Variants in EMILIN2 observed in about 807,000 individuals in gnomAD.
EMILIN2 encodes EMILIN-2.
Under a neutral mutation model 87.1 loss-of-function variants are expected in EMILIN2, and 71 were observed. The ratio of observed to expected loss-of-function variants is 0.82; its 90% CI spans 0.67 to 0.99. The LOEUF is 0.99. EMILIN2 is among the 50% of genes least tolerant of loss of function. The probability of loss-of-function intolerance (pLI) is 0.00; values close to 1 mark genes in which losing one functional copy is unlikely to be tolerated. For synonymous variants in EMILIN2, 581 were observed against 563.4 expected, an observed-to-expected ratio of 1.03 and a Z score of -0.44; for missense variants, 1,407 against 1,371.8, an observed-to-expected ratio of 1.03 and a Z score of -0.40.
At chr18:2,872,316 A>G (rs950520341) in intron 2 of EMILIN2, among the ~76,000 whole-genome samples, 6 of 152,308 alleles carry the variant, frequency 3.9e-5, no homozygotes, top group African/African-American at 1.4e-4. Context: ...TGGAGACTAT[A>G]AATTTGAACA....
Position 2,890,715 on chromosome 18 carries a change from G to T in EMILIN2, c.588G>T (p.Arg196Ser), listed in dbSNP as rs1018674106. The T allele has an allele frequency of 6.8e-6, 11 of 1,613,998 alleles. No homozygotes were observed. Among genetic ancestry groups the T allele is most frequent in the Non-Finnish European group, 8.5e-6 (10 of 1,180,026 alleles). ...VLEEKVLRLT[R>S]TVLDLQSSLA... is the part of the protein sequence containing the mutation. Reference sequence around the variant, plus strand: ...AGGAGAAGGTTCTTCGACTCACAAGGACGGTTCTTGACCTCCAGTCTTCCC... The same window carrying T: ...AGGAGAAGGTTCTTCGACTCACAAGTACGGTTCTTGACCTCCAGTCTTCCC... Residue 196 changes from arginine (R) to serine (S), a missense_variant, in exon 4 of 8, where the codon AGG becomes AGT. Transcript: ENST00000254528. This position sits in a 1 kb window ranked among gnomAD's most constrained non-coding sequence, Gnocchi z 4.7.
chr18:2,904,825 T>TA (rs1294037756), intron 4 of EMILIN2, among the ~76,000 whole-genome samples: 3 of 152,198 alleles, frequency 2.0e-5, no homozygotes, highest in African/African-American at 7.2e-5. Context: ...AGACACTAGA[T>TA]AGAGTTTCAC....
At chr18:2,871,230 T>C (rs2076718220) in intron 2 of EMILIN2, among the ~76,000 whole-genome samples, 3 of 152,126 alleles carry the variant, frequency 2.0e-5, no homozygotes, top group Admixed American at 2.0e-4. Context: ...GGGGACATCA[T>C]CAAATTTGGG....
At chr18:2,870,056 C>A (rs184030203) in intron 2 of EMILIN2, among the ~76,000 whole-genome samples, 1 of 151,946 alleles carries the variant, frequency 6.6e-6, no homozygotes, top group Non-Finnish European at 1.5e-5. Flanking sequence ...GCCTGGGCAA[C>A]ATGGCAAAAC....
intron 4 of EMILIN2, among the ~76,000 whole-genome samples, chr18:2,904,162 A>C (rs1446285750): frequency 6.6e-6 from 1 of 152,214 alleles, no homozygotes; most frequent in Non-Finnish European, 1.5e-5. Context: ...CTTCTCTTCT[A>C]GTTTCCAATA....
rs958361211 is a variant in EMILIN2, at chr18:2,881,458, G to C, written c.258-3506G>C. Among the ~76,000 whole-genome samples, 3 of 152,250 alleles carry C rather than the reference G, an allele frequency of 2.0e-5. No individual in the cohort carries two copies. In the South Asian group the frequency reaches 6.2e-4, roughly 31 times the overall value. On this transcript the variant is annotated intron_variant, in intron 2 of 7. Transcript: ENST00000254528. ...GCTCCAGGGAACTTTCCTACATTAG[G>C]AGCTGGGGAGCTGGCCCCAAAATAA... is the stretch of plus-strand genomic sequence containing the variant.
Position 2,847,306 on chromosome 18 carries a change from C to G in EMILIN2, c.118C>G (p.Pro40Ala). The change falls in exon 1 of 8, where the codon CCC becomes GCC. Residue 40 changes from proline (P) to alanine (A), a missense_variant. Pro to Ala is a conservative substitution (Grantham distance 27). Transcript: ENST00000254528. The surrounding 1 kb of genome is among the most constrained non-coding windows in gnomAD (Gnocchi z 4.5). ...CCCGCAGCCCGGGTATCCCGCGCGGCCCAGCGCCAGGAACAAGTAAGTGCG... is the reference window on the plus strand; with the variant it reads ...CCCGCAGCCCGGGTATCCCGCGCGGGCCAGCGCCAGGAACAAGTAAGTGCG... Reference protein sequence around the residue: ...AGPQPGYPARPSARNKNWCAY... With the variant: ...AGPQPGYPARASARNKNWCAY... The G allele has an allele frequency of 7.6e-7, 1 of 1,319,048 alleles. No individual in the cohort carries two copies. The highest frequency in any genetic ancestry group is 9.6e-7 in the Non-Finnish European group (1 of 1,037,238). The allele number at this position is 1,319,048 out of a possible 1,614,324, so 81.7% of individuals were successfully genotyped here.
intron 2 of EMILIN2, among the ~76,000 whole-genome samples, chr18:2,858,557 A>ATATGTGTGTGTGTGTGTG (rs2076641435): frequency 1.8e-5 from 1 of 54,534 alleles, no homozygotes; most frequent in Non-Finnish European, 2.9e-5. Context: ...ATATATATAT[A>ATATGTGTGTGTGTGTGTG]TATATATATA....
intron 4 of EMILIN2, among the ~76,000 whole-genome samples, chr18:2,905,792 T>G (rs2076908611): frequency 6.6e-6 from 1 of 150,498 alleles, no homozygotes; most frequent in African/African-American, 2.5e-5. Context: ...TGTTTTTTTT[T>G]TTTGGATATT....
chr18:2,846,941 C>T (rs949360504), upstream of EMILIN2: 105 of 995,154 alleles, frequency 1.1e-4, no homozygotes, highest in Non-Finnish European at 1.2e-4. This position sits in a 1 kb window ranked among gnomAD's most constrained non-coding sequence, Gnocchi z 5.3. Context: ...ATAAAGAGGG[C>T]GGCACCCGGG....
intron 4 of EMILIN2, among the ~76,000 whole-genome samples, chr18:2,905,056 C>G (rs2076903546): frequency 1.3e-5 from 2 of 152,270 alleles, no homozygotes; most frequent in South Asian, 4.1e-4. Context: ...CTCTGTCTAA[C>G]CCAGCCTTTC....
upstream of EMILIN2, chr18:2,846,678 C>T (rs1048197520): frequency 2.2e-5 from 19 of 870,100 alleles, no homozygotes; most frequent in African/African-American, 7.2e-5. The surrounding 1 kb of genome is among the most constrained non-coding windows in gnomAD (Gnocchi z 5.3). Flanking sequence ...CCAGGCACGA[C>T]GCGAGGACGG....
intron 4 of EMILIN2, chr18:2,906,420 G>C (rs2076912373): frequency 5.7e-6 from 1 of 174,942 alleles, no homozygotes; most frequent in Non-Finnish European, 1.2e-5. Context: ...GCGGGGGTCG[G>C]TGGCCTCAGG....
chr18:2,885,469 T>A (rs1344419004), intron 3 of EMILIN2, among the ~76,000 whole-genome samples: 1 of 152,236 alleles, frequency 6.6e-6, no homozygotes, highest in Non-Finnish European at 1.5e-5. Context: ...ATGTACTGTT[T>A]GTTTTTACTT....
chr18:2,877,954 A>T (rs752942983), intron 2 of EMILIN2, among the ~76,000 whole-genome samples: 1 of 152,352 alleles, frequency 6.6e-6, no homozygotes, highest in South Asian at 2.1e-4. Flanking sequence ...AGTCGCAAAG[A>T]GACAAATACT....
In EMILIN2 at chr18:2,905,888, T is replaced by C. The variant is rs2076909343; in HGVS notation, c.2360-895T>C. Among the ~76,000 whole-genome samples the C allele has an allele frequency of 2.0e-5, 3 of 151,514 alleles. No individual in the cohort carries two copies. The South Asian group carries it at 6.3e-4, about 32-fold the overall frequency. Reference sequence around the variant, plus strand: ...ATCCGGCCGCGTCGGCCTCCCAAAGTGCTGGGATTACGGGCGTGAGCCACC... The same window carrying C: ...ATCCGGCCGCGTCGGCCTCCCAAAGCGCTGGGATTACGGGCGTGAGCCACC... On this transcript the variant is annotated intron_variant, in intron 4 of 7. Transcript: ENST00000254528.
At chr18:2,861,814 T>A (rs1246190264) in intron 2 of EMILIN2, among the ~76,000 whole-genome samples, 1 of 152,242 alleles carries the variant, frequency 6.6e-6, no homozygotes, top group African/African-American at 2.4e-5. Context: ...ATCTCTAAAT[T>A]ACCTTGGACA....
At chr18:2,864,620 C>T in intron 2 of EMILIN2, among the ~76,000 whole-genome samples, 1 of 152,184 alleles carries the variant, frequency 6.6e-6, no homozygotes, top group East Asian at 1.9e-4. Flanking sequence ...TTGTGGGTAA[C>T]CTGACCTTTC....
Position 2,894,051 on chromosome 18 carries a change from C to T in EMILIN2, c.2359+1565C>T, listed in dbSNP as rs2076852069. 6.6e-6 allele frequency among the ~76,000 whole-genome samples: 1 copy of T among 152,180 alleles called. No individual in the cohort carries two copies. Among genetic ancestry groups the T allele is most frequent in the Non-Finnish European group, 1.5e-5 (1 of 68,032 alleles). Reference sequence around the variant, plus strand: ...CCTTTGGGACTTTTACCTCCCTGACCTGGTTCCGCTCTGGGTGACACAGGC... The same window carrying T: ...CCTTTGGGACTTTTACCTCCCTGACTTGGTTCCGCTCTGGGTGACACAGGC... On this transcript the variant is annotated intron_variant, in intron 4 of 7. Coordinates refer to ENST00000254528, the MANE Select transcript of EMILIN2 (RefSeq NM_032048.3). The surrounding 1 kb of genome is among the most constrained non-coding windows in gnomAD (Gnocchi z 5.0).
Sources: allele counts gnomAD v4.1 joint callset (sites outside exome capture counted in the v4.1 genomes callset), GRCh38; gene constraint gnomAD v4.1.1; non-coding constraint Gnocchi (gnomAD v3.1); transcripts MANE v1.5; gene names NCBI Gene and HGNC (gene_info 2026-07-23, HGNC 2026-07-21).